ECT2: variants seen among roughly 807,000 people sequenced by gnomAD.
ECT2 encodes epithelial cell transforming 2.
Under a neutral mutation model 116.9 loss-of-function variants are expected in ECT2, and 61 were observed. That is an observed-to-expected ratio of 0.52 (90% CI 0.42 to 0.65). ECT2 has a LOEUF of 0.65. Among genes scored for constraint, ECT2 ranks in the 30% least tolerant of loss-of-function variants. The pLI, the probability that ECT2 is intolerant of heterozygous loss-of-function variation, is 0.00. For synonymous variants in ECT2, 358 were observed against 346.4 expected, an observed-to-expected ratio of 1.03 and a Z score of -0.37; for missense variants, 937 against 1,078.7, an observed-to-expected ratio of 0.87 and a Z score of 1.84.
At chr3:172,827,926 T>C in the ECT2 span, among the ~76,000 whole-genome samples, 1 of 152,184 alleles carries the variant, frequency 6.6e-6, no homozygotes, top group African/African-American at 2.4e-5. Context: ...AAGCATATTA[T>C]TGTTGACATT....
intron 13 of ECT2, among the ~76,000 whole-genome samples, chr3:172,771,902 T>C (rs1289281262): frequency 6.6e-6 from 1 of 152,226 alleles, no homozygotes; most frequent in African/African-American, 2.4e-5. Flanking sequence ...CATATTGTCT[T>C]CATTTGACAT....
chr3:172,826,745 G>T, the ECT2 span, among the ~76,000 whole-genome samples: 1 of 152,134 alleles, frequency 6.6e-6, no homozygotes, highest in South Asian at 2.1e-4. Context: ...AGCCTGATCA[G>T]TCAGCAGCCA....
At chr3:172,823,698 G>A (rs573199895), downstream of ECT2, among the ~76,000 whole-genome samples, 103 of 152,168 alleles carry the variant, frequency 6.8e-4, no homozygotes, top group African/African-American at 2.4e-3. Flanking sequence ...AAGTGCAATA[G>A]CATTATGTCT....
intron 14 of ECT2, among the ~76,000 whole-genome samples, chr3:172,780,601 A>G (rs982763860): frequency 1.3e-5 from 2 of 152,188 alleles, no homozygotes; most frequent in South Asian, 4.1e-4. Context: ...GCCGGCCTCA[A>G]ACTCTGGTCT....
At chr3:172,751,893 A>T (rs1715927642) in intron 1 of ECT2, among the ~76,000 whole-genome samples, 2 of 152,116 alleles carry the variant, frequency 1.3e-5, no homozygotes, top group Non-Finnish European at 2.9e-5. Context: ...TGACTGTTGG[A>T]TGTTAGTTAT....
At position 172,757,060 on chromosome 3, in the gene ECT2, A is replaced by G. The variant is rs1717127724; in HGVS notation, c.381A>G (p.Val127=). The G allele has an allele frequency of 1.9e-6, 3 of 1,611,290 alleles. No individual in the cohort carries two copies. The highest frequency in any genetic ancestry group is 1.7e-5 in the Admixed American group (1 of 59,352). The change falls in exon 5 of 25, where the codon GTA becomes GTG. Residue 127 remains valine, a synonymous_variant. Coordinates refer to ENST00000392692, the MANE Select transcript of ECT2 (RefSeq NM_001258315.2). ...TGGATTCTCCGGAATTTGAAAATGTATTTGTAGTCACGGACTTTCAGGATT... is the reference window on the plus strand; with the variant it reads ...TGGATTCTCCGGAATTTGAAAATGTGTTTGTAGTCACGGACTTTCAGGATT... ...EGLDSPEFEN[V]FVVTDFQDSV...
intron 22 of ECT2, among the ~76,000 whole-genome samples, chr3:172,809,262 T>C (rs904774514): frequency 3.3e-5 from 5 of 152,132 alleles, no homozygotes; most frequent in African/African-American, 1.2e-4. Flanking sequence ...ATTTTTCTTA[T>C]AATCTATTGA....
intron 13 of ECT2, 59 bp from the exon 14 acceptor site, chr3:172,773,844 T>C: frequency 6.5e-7 from 1 of 1,528,728 alleles, no homozygotes; most frequent in Non-Finnish European, 9.0e-7. Context: ...TCACTGTCTA[T>C]CTTTTAGCTC....
chr3:172,795,930 T>C (rs1433932032), intron 18 of ECT2, among the ~76,000 whole-genome samples: 1 of 152,148 alleles, frequency 6.6e-6, no homozygotes, highest in African/African-American at 2.4e-5. Context: ...AAGAGGACAA[T>C]GTGTTTTTTA....
chr3:172,784,674 C>T, intron 16 of ECT2, 33 bp from the exon 17 acceptor site: 2 of 1,544,360 alleles, frequency 1.3e-6, no homozygotes, highest in South Asian at 2.2e-5. Flanking sequence ...TTCAGAAAAC[C>T]TTTTTTGAAA....
intron 14 of ECT2, among the ~76,000 whole-genome samples, chr3:172,781,132 A>G (rs1722622026): frequency 6.6e-6 from 1 of 152,162 alleles, no homozygotes; most frequent in South Asian, 2.1e-4. Flanking sequence ...ATCTAATTTT[A>G]TATTAATTCA....
At chr3:172,790,097 C>T (rs925266460) in intron 18 of ECT2, among the ~76,000 whole-genome samples, 2 of 152,112 alleles carry the variant, frequency 1.3e-5, no homozygotes, top group African/African-American at 4.8e-5. Context: ...CCACTGCAGG[C>T]TCTCTGAACC....
chr3:172,806,641 T>G (rs1461392468), intron 21 of ECT2, among the ~76,000 whole-genome samples: 2 of 137,530 alleles, frequency 1.5e-5, no homozygotes, highest in African/African-American at 5.3e-5. Flanking sequence ...TCTTTCTTTG[T>G]TTTTTGTGGG....
chr3:172,780,163 A>G (rs1241188309), intron 14 of ECT2, among the ~76,000 whole-genome samples: 3 of 152,126 alleles, frequency 2.0e-5, no homozygotes, highest in Admixed American at 2.0e-4. Context: ...TAGCATATAG[A>G]TATACTATTT....
At chr3:172,802,783 A>G in intron 19 of ECT2, 78 bp from the exon 20 acceptor site, 1 of 1,520,722 alleles carries the variant, frequency 6.6e-7, no homozygotes, top group South Asian at 1.2e-5. Context: ...TCTTGGCACT[A>G]CTTTCTTTTA....
At chr3:172,750,940 C>T (rs995540223) in intron 1 of ECT2, 83 bp downstream of exon 1, 2 of 152,480 alleles carry the variant, frequency 1.3e-5, no homozygotes, top group African/African-American at 4.8e-5. Context: ...GGTCGACGTC[C>T]CCGCCCCTAG....
In ECT2 at chr3:172,754,646, C is replaced by A; in HGVS notation, c.116C>A (p.Thr39Asn). 1 of 1,607,674 alleles carries A rather than the reference C, an allele frequency of 6.2e-7. No individual in the cohort carries two copies. The highest frequency in any genetic ancestry group is 8.5e-7 in the Non-Finnish European group (1 of 1,176,272). Residue 39 changes from threonine (T) to asparagine (N), a missense_variant, in exon 2 of 25, where the codon ACT becomes AAT. Transcript: ENST00000392692. ...ISKENLLIGS[T>N]SYVEEEMPQI... ...AAGGAAAACTTACTTATTGGATCTACTTCATATGTAGAAGGTAAACCTGTT... is the reference window on the plus strand; with the variant it reads ...AAGGAAAACTTACTTATTGGATCTAATTCATATGTAGAAGGTAAACCTGTT...
In ECT2 at chr3:172,800,222, G is replaced by A. The variant is rs573179084; in HGVS notation, c.1908-2394G>A. On this transcript the variant is annotated intron_variant, in intron 18 of 24. Transcript: ENST00000392692. ...GACAGAGGGGAAAAACACTTGGGGCGCGTGGTAGCTGTTCTAATAATTAAA... is the reference window on the plus strand; with the variant it reads ...GACAGAGGGGAAAAACACTTGGGGCACGTGGTAGCTGTTCTAATAATTAAA... Among the ~76,000 whole-genome samples, 8 of 152,272 alleles carry A rather than the reference G, an allele frequency of 5.3e-5. No homozygotes were observed. The South Asian group carries it at 1.5e-3, about 28-fold the overall frequency.
chr3:172,764,750 T>C (rs1719002116), intron 12 of ECT2, among the ~76,000 whole-genome samples: 1 of 152,230 alleles, frequency 6.6e-6, no homozygotes, highest in Non-Finnish European at 1.5e-5. Context: ...GTTTTACAGA[T>C]GACTAAACTG....
Sources: allele counts gnomAD v4.1 joint callset (sites outside exome capture counted in the v4.1 genomes callset), GRCh38; gene constraint gnomAD v4.1.1; transcripts MANE v1.5; gene names NCBI Gene and HGNC (gene_info 2026-07-23, HGNC 2026-07-21).